The following ZNF804B variants were observed in gnomAD, a reference collection of about 807,000 sequenced individuals.
ZNF804B encodes the protein zinc finger protein 804B.
ZNF804B carries 80 observed loss-of-function variants against 101.4 expected under a neutral mutation model. The ratio of observed to expected loss-of-function variants is 0.79; its 90% CI spans 0.66 to 0.95. The LOEUF is 0.95. ZNF804B is among the 40% of genes least tolerant of loss of function. The pLI is 0.00. For missense variants in ZNF804B, 1,673 were observed against 1,561.9 expected (o/e 1.07, Z -1.20); for synonymous variants, 622 against 558.8 (o/e 1.11, Z -1.59).
chr7:89,300,148 C>T (rs1398068397), intron 2 of ZNF804B, among the ~76,000 whole-genome samples: 2 of 151,646 alleles, frequency 1.3e-5, no homozygotes, highest in Non-Finnish European at 2.9e-5. Flanking sequence ...TGTCACTCTG[C>T]TGTATGAGAC....
intron 1 of ZNF804B, among the ~76,000 whole-genome samples, chr7:89,122,513 C>T (rs1184304068): frequency 6.6e-6 from 1 of 152,180 alleles, no homozygotes; most frequent in Non-Finnish European, 1.5e-5. Flanking sequence ...TAACATTTGT[C>T]TACAGGCAGT....
chr7:88,835,091 A>G (rs4554394), intron 1 of ZNF804B, among the ~76,000 whole-genome samples: 70,076 of 151,672 alleles, frequency 0.46, 17,165 homozygotes, highest in East Asian at 0.81. Flanking sequence ...TTTTTATATT[A>G]CTTTAAAATT....
intron 1 of ZNF804B, among the ~76,000 whole-genome samples, chr7:88,985,774 T>C (rs1374118175): frequency 6.6e-6 from 1 of 152,082 alleles, no homozygotes; most frequent in East Asian, 1.9e-4. Flanking sequence ...CATAGACTTT[T>C]TGAAAGGAGA....
intron 2 of ZNF804B, among the ~76,000 whole-genome samples, chr7:89,319,388 A>T (rs1790784001): frequency 6.6e-6 from 1 of 152,202 alleles, no homozygotes; most frequent in Non-Finnish European, 1.5e-5. Context: ...TGTGATGAAT[A>T]TTGGCATTGT....
At chr7:89,031,141 C>T (rs1788826351) in intron 1 of ZNF804B, among the ~76,000 whole-genome samples, 1 of 151,348 alleles carries the variant, frequency 6.6e-6, no homozygotes, top group Non-Finnish European at 1.5e-5. Context: ...GCACATTACG[C>T]ACATGTACCC....
At chr7:89,086,218 A>G (rs978754754) in intron 1 of ZNF804B, among the ~76,000 whole-genome samples, 7 of 152,030 alleles carry the variant, frequency 4.6e-5, no homozygotes, top group Non-Finnish European at 8.8e-5. Flanking sequence ...TGACAAAAAT[A>G]TTTGTAAACC....
chr7:89,085,292 C>T (rs1278385559), intron 1 of ZNF804B, among the ~76,000 whole-genome samples: 1 of 151,894 alleles, frequency 6.6e-6, no homozygotes, highest in Non-Finnish European at 1.5e-5. Context: ...AAATGATTGC[C>T]TTCCTAGTTT....
intron 2 of ZNF804B, among the ~76,000 whole-genome samples, chr7:89,298,332 T>C (rs986006652): frequency 7.6e-5 from 11 of 144,466 alleles, no homozygotes; most frequent in African/African-American, 2.5e-4. Context: ...GGTGGTTTGC[T>C]GCACCCATCA....
chr7:89,049,080 C>T (rs564687796), intron 1 of ZNF804B, among the ~76,000 whole-genome samples: 3 of 150,746 alleles, frequency 2.0e-5, no homozygotes, highest in East Asian at 3.9e-4. Context: ...TGTACAAAGT[C>T]GCTATTGTCT....
intron 1 of ZNF804B, among the ~76,000 whole-genome samples, chr7:89,031,145 T>G (rs1476847345): frequency 6.6e-6 from 1 of 151,756 alleles, no homozygotes; most frequent in Non-Finnish European, 1.5e-5. Context: ...ATTACGCACA[T>G]GTACCCTGCA....
At chr7:89,065,273 C>T (rs909662786) in intron 1 of ZNF804B, among the ~76,000 whole-genome samples, 5 of 152,110 alleles carry the variant, frequency 3.3e-5, no homozygotes, top group African/African-American at 1.2e-4. Flanking sequence ...TTCTTCTCAG[C>T]CCTGAAGGCA....
chr7:88,877,043 A>T (rs868284484), intron 1 of ZNF804B, among the ~76,000 whole-genome samples: 73 of 41,774 alleles, frequency 1.7e-3, no homozygotes, highest in African/African-American at 3.2e-3. Flanking sequence ...ATATATATAT[A>T]TATATATTTT....
At chr7:89,063,564 G>T (rs1261970313) in intron 1 of ZNF804B, among the ~76,000 whole-genome samples, 1 of 152,046 alleles carries the variant, frequency 6.6e-6, no homozygotes, top group African/African-American at 2.4e-5. Flanking sequence ...AATCAAGGTG[G>T]GAAACTGGGG....
intron 2 of ZNF804B, among the ~76,000 whole-genome samples, chr7:89,278,982 A>C (rs1342625292): frequency 4.6e-5 from 7 of 152,168 alleles, no homozygotes; most frequent in African/African-American, 1.7e-4. Context: ...CCTATCCATG[A>C]GCATGGAATG....
At chr7:89,122,489 G>A (rs887228862) in intron 1 of ZNF804B, among the ~76,000 whole-genome samples, 1 of 152,112 alleles carries the variant, frequency 6.6e-6, no homozygotes, top group African/African-American at 2.4e-5. Context: ...CTTTTAGTAG[G>A]TATTATTATT....
chr7:89,265,265 A>T (rs1322663239), intron 2 of ZNF804B, among the ~76,000 whole-genome samples: 1 of 145,126 alleles, frequency 6.9e-6, no homozygotes. Context: ...AGGTTAAGTC[A>T]GTGTGTGTGT....
intron 2 of ZNF804B, among the ~76,000 whole-genome samples, chr7:89,297,568 A>G (rs1163725719): frequency 6.6e-6 from 1 of 152,018 alleles, no homozygotes; most frequent in Non-Finnish European, 1.5e-5. Context: ...TATGCTGCAG[A>G]ACTTTGACAT....
intron 1 of ZNF804B, among the ~76,000 whole-genome samples, chr7:88,771,007 T>A (rs189189888): frequency 6.6e-6 from 1 of 152,326 alleles, no homozygotes; most frequent in African/African-American, 2.4e-5. Context: ...GTTCTTATAT[T>A]CTTGATAAGG....
chr7:89,000,986 A>G (rs1325919239), intron 1 of ZNF804B, among the ~76,000 whole-genome samples: 1 of 147,556 alleles, frequency 6.8e-6, no homozygotes, highest in Non-Finnish European at 1.5e-5. Context: ...TAATAAATGT[A>G]CAATCTATAA....
Sources: allele counts gnomAD v4.1 joint callset (sites outside exome capture counted in the v4.1 genomes callset), GRCh38; gene constraint gnomAD v4.1.1; transcripts MANE v1.5; gene names NCBI Gene and HGNC (gene_info 2026-07-23, HGNC 2026-07-21).